Variants in CSDC2 observed in about 807,000 individuals in gnomAD.
CSDC2 encodes cold shock domain-containing protein C2.
CSDC2 carries 8 observed loss-of-function variants against 15.8 expected under a neutral mutation model. The ratio of observed to expected loss-of-function variants is 0.51; its 90% confidence interval spans 0.30 to 0.92. The LOEUF is 0.92. Ranked by LOEUF, CSDC2 falls within the 40% of genes least tolerant of loss-of-function variation. CSDC2 has a pLI of 0.07. For missense variants in CSDC2, 195 were observed against 213.3 expected, an observed-to-expected ratio of 0.91 and a Z score of 0.53; for synonymous variants, 96 against 92.3, an observed-to-expected ratio of 1.04 and a Z score of -0.23.
Position 41,561,143 on chromosome 22 carries a change from G to A in CSDC2, c.-164G>A, listed in dbSNP as rs1319079212. Reference sequence around the variant, plus strand: ...AGCCAGAGAGAGACAGAGCGCGGACGCCGCAGGAGGCAGTGCCTGGACCCC... The same window carrying A: ...AGCCAGAGAGAGACAGAGCGCGGACACCGCAGGAGGCAGTGCCTGGACCCC... On this transcript the variant is annotated 5_prime_UTR_variant, in exon 1 of 4. Coordinates refer to ENST00000306149, the MANE Select transcript of CSDC2 (RefSeq NM_014460.4). 6.5e-6 allele frequency: 1 copy of A among 153,274 alleles called. No individual in the cohort carries two copies. The highest frequency in any genetic ancestry group is 2.4e-5 in the African/African-American group (1 of 41,442). The allele number at this position is 153,274 out of a possible 1,614,324, so 9.5% of individuals were successfully genotyped here. A position where few individuals can be genotyped will look rare whatever the true frequency, so the allele number is the denominator to read the frequency against.
rs1218260115 is a variant in CSDC2 at position 41,576,270 on chromosome 22, T to C, written c.*1375T>C. ...ACCGCAGGGTAGAAATCAGCCGGGA[T>C]GCCTGCATCCCACCCCCGGCCCCAG... is the stretch of plus-strand genomic sequence containing the variant. On this transcript the variant is annotated 3_prime_UTR_variant, in exon 4 of 4. Coordinates refer to ENST00000306149, the MANE Select transcript of CSDC2 (RefSeq NM_014460.4). 6.6e-6 allele frequency: 1 copy of C among 152,292 alleles called. No individual in the cohort carries two copies. The highest frequency in any genetic ancestry group is 1.5e-5 in the Non-Finnish European group (1 of 68,130). The allele number at this position is 152,292 out of a possible 1,614,324, so 9.4% of individuals were successfully genotyped here. A position where few individuals can be genotyped will look rare whatever the true frequency, so the allele number is the denominator to read the frequency against.
rs1351314699 is a variant in CSDC2, at chr22:41,572,990, C to T, written c.177-665C>T. Reference sequence around the variant, plus strand: ...TCCTGGCCTTCAGCAATCCTCCCACCTCAGCCTCCTGAGTAGCTGGGACGA... The same window carrying T: ...TCCTGGCCTTCAGCAATCCTCCCACTTCAGCCTCCTGAGTAGCTGGGACGA... On this transcript the variant is annotated intron_variant, in intron 2 of 3. Transcript: ENST00000306149. 2.0e-5 allele frequency among the ~76,000 whole-genome samples: 3 copies of T among 152,212 alleles called. No homozygotes were observed. In the East Asian group the frequency reaches 5.8e-4, roughly 29 times the overall value.
intron 1 of CSDC2, among the ~76,000 whole-genome samples, chr22:41,565,089 C>G (rs1316145417): frequency 6.6e-6 from 1 of 151,742 alleles, no homozygotes; most frequent in African/African-American, 2.4e-5. Context: ...TCACTTGAAC[C>G]CGGGAGGCAG....
intron 1 of CSDC2, among the ~76,000 whole-genome samples, chr22:41,567,359 G>A (rs1290809727): frequency 6.6e-6 from 1 of 152,198 alleles, no homozygotes; most frequent in East Asian, 1.9e-4. Context: ...TATCTCATCT[G>A]TAAAATGGAA....
chr22:41,575,077 G>A lies in CSDC2; in HGVS notation c.*182G>A, dbSNP rs537400169. On this transcript the variant is annotated 3_prime_UTR_variant, in exon 4 of 4. Transcript: ENST00000306149. ...TGTGCCTCCACCCACCCCACGACCC[G>A]TGACTACTGTGCAAGCTGGCCAGGA... 3.3e-5 allele frequency: 25 copies of A among 746,514 alleles called. No individual in the cohort carries two copies. Among genetic ancestry groups the A allele is most frequent in the Non-Finnish European group, 4.0e-5 (19 of 469,232 alleles). 46.2% of individuals were successfully genotyped at this position (746,514 alleles called of 1,614,324 possible). A position where few individuals can be genotyped will look rare whatever the true frequency, so the allele number is the denominator to read the frequency against.
At chr22:41,566,165 G>T (rs989647579) in intron 1 of CSDC2, among the ~76,000 whole-genome samples, 6 of 144,202 alleles carry the variant, frequency 4.2e-5, no homozygotes, top group Admixed American at 1.4e-4. Context: ...AAAAAAAAAG[G>T]CTGGGCGCAG....
chr22:41,573,626 C>G, intron 2 of CSDC2, 29 bp from the exon 3 acceptor site: 1 of 1,592,314 alleles, frequency 6.3e-7, no homozygotes. Context: ...CCTCAGGCCA[C>G]AGCTCCAATC....
chr22:41,569,005 CT>C (rs753545168), intron 1 of CSDC2, among the ~76,000 whole-genome samples: 3 of 152,258 alleles, frequency 2.0e-5, no homozygotes, highest in African/African-American at 4.8e-5. Context: ...CCATCCTCCT[CT>C]TCCCTCCCTG....
At chr22:41,565,240 A>G (rs1434577930) in intron 1 of CSDC2, among the ~76,000 whole-genome samples, 1 of 151,778 alleles carries the variant, frequency 6.6e-6, no homozygotes, top group Non-Finnish European at 1.5e-5. Context: ...TCACAAGATC[A>G]GGAGTTTGAG....
chr22:41,575,140 G>C lies in CSDC2; in HGVS notation c.*245G>C. On this transcript the variant is annotated 3_prime_UTR_variant, in exon 4 of 4. Transcript: ENST00000306149. ...GCAAGGCCACCAGACCTGGCTTCGC[G>C]CTGTCCACTGCCTCTCTCCTCCCCT... The C allele has an allele frequency of 1.8e-6, 1 of 566,300 alleles. No individual in the cohort carries two copies. The highest frequency in any genetic ancestry group is 3.2e-6 in the Non-Finnish European group (1 of 317,332). The allele number at this position is 566,300 out of a possible 1,614,324, so 35.1% of individuals were successfully genotyped here.
At chr22:41,570,753 C>A (rs2067140947) in intron 1 of CSDC2, among the ~76,000 whole-genome samples, 1 of 140,792 alleles carries the variant, frequency 7.1e-6, no homozygotes, top group African/African-American at 2.7e-5. Context: ...ACCTGGGAGG[C>A]AGAAGTGACA....
chr22:41,570,200 C>A (rs993644386), intron 1 of CSDC2, among the ~76,000 whole-genome samples: 1 of 152,232 alleles, frequency 6.6e-6, no homozygotes. Context: ...AAAAGCCCCA[C>A]TTCAGCCTTT....
intron 1 of CSDC2, among the ~76,000 whole-genome samples, chr22:41,569,560 G>A (rs893110514): frequency 3.3e-5 from 5 of 152,070 alleles, no homozygotes; most frequent in Non-Finnish European, 7.4e-5. Flanking sequence ...AAACATTCTC[G>A]CATAATGTGT....
intron 1 of CSDC2, among the ~76,000 whole-genome samples, chr22:41,568,164 G>A (rs73178647): frequency 0.17 from 23,891 of 139,740 alleles, 2,930 homozygotes; most frequent in Admixed American, 0.36. Flanking sequence ...TTGCTCTGTC[G>A]CCCAGGCTGT....
chr22:41,574,621 G>A (rs2067165664), intron 3 of CSDC2, 112 bp from the exon 4 acceptor site: 1 of 1,291,752 alleles, frequency 7.7e-7, no homozygotes, highest in South Asian at 1.5e-5. Flanking sequence ...GGCCTGGCCA[G>A]GCCTCCTGGC....
chr22:41,568,871 C>A (rs917144592), intron 1 of CSDC2, among the ~76,000 whole-genome samples: 1 of 152,268 alleles, frequency 6.6e-6, no homozygotes, highest in Non-Finnish European at 1.5e-5. Flanking sequence ...CCCATCCCTG[C>A]AGCCCACTTA....
intron 1 of CSDC2, among the ~76,000 whole-genome samples, chr22:41,566,422 C>CA (rs2067114625): frequency 8.6e-6 from 1 of 115,810 alleles, no homozygotes. Context: ...CCAGCCTGTT[C>CA]ACAGAGCAAG....
chr22:41,563,403 T>A (rs952912249), intron 1 of CSDC2, among the ~76,000 whole-genome samples: 3 of 152,154 alleles, frequency 2.0e-5, no homozygotes, highest in Non-Finnish European at 4.4e-5. Context: ...TCCAGCGTCA[T>A]CCTTGTGTTC....
chr22:41,573,872 G>A (rs1046529555), intron 3 of CSDC2, 95 bp downstream of exon 3: 23 of 1,466,610 alleles, frequency 1.6e-5, no homozygotes, highest in Admixed American at 6.0e-5. Flanking sequence ...CTCACTGGCT[G>A]AGGTCTGTAT....
Sources: allele counts gnomAD v4.1 joint callset (sites outside exome capture counted in the v4.1 genomes callset), GRCh38; gene constraint gnomAD v4.1.1; transcripts MANE v1.5; gene names NCBI Gene and HGNC (gene_info 2026-07-23, HGNC 2026-07-21).